The following CAMK2G variants were observed in gnomAD, a reference collection of about 807,000 sequenced individuals.
The protein encoded by CAMK2G is calcium/calmodulin-dependent protein kinase type II subunit gamma.
Under a neutral mutation model 88.7 loss-of-function variants are expected in CAMK2G, and 23 were observed. The observed-to-expected ratio is 0.26, with a 90% CI of 0.19 to 0.37. The LOEUF (loss-of-function observed/expected upper bound fraction) is 0.37, where lower values mean the gene tolerates loss of function less well. Among genes scored for constraint, CAMK2G ranks in the 10% least tolerant of loss-of-function variants. The probability of loss-of-function intolerance (pLI) is 1.00; values close to 1 mark genes in which losing one functional copy is unlikely to be tolerated. For synonymous variants in CAMK2G, 263 were observed against 294.8 expected (o/e 0.89, Z 1.11); for missense variants, 476 against 780.8 (o/e 0.61, Z 4.65).
chr10:73,814,817 C>A, intron 22 of CAMK2G, 186 bp downstream of exon 22: 1 of 588,098 alleles, frequency 1.7e-6, no homozygotes, highest in South Asian at 2.0e-5. Flanking sequence ...TTTGGAGTCA[C>A]GGAGCCAGAC....
intron 18 of CAMK2G, among the ~76,000 whole-genome samples, chr10:73,820,663 A>ATTTTTT (rs1198716305): frequency 2.4e-4 from 11 of 46,128 alleles, no homozygotes; most frequent in East Asian, 1.5e-3. Context: ...CACCCGGCTA[A>ATTTTTT]TTTTTTTTTT....
chr10:73,838,386 G>A (rs1001329749), intron 13 of CAMK2G, among the ~76,000 whole-genome samples: 1 of 152,228 alleles, frequency 6.6e-6, no homozygotes, highest in Non-Finnish European at 1.5e-5. Flanking sequence ...CCTTTGGTGA[G>A]TTACTTAACC....
chr10:73,835,581 C>T (rs1473014053), intron 14 of CAMK2G, among the ~76,000 whole-genome samples: 6 of 150,752 alleles, frequency 4.0e-5, no homozygotes, highest in East Asian at 2.0e-4. Context: ...GTGAAGCCAC[C>T]GCACCCGGCT....
chr10:73,845,085 G>A (rs1475935689), intron 10 of CAMK2G, among the ~76,000 whole-genome samples: 4 of 152,128 alleles, frequency 2.6e-5, no homozygotes, highest in Admixed American at 6.5e-5. Context: ...GAAGCTCACC[G>A]TAAGAACTCA....
chr10:73,871,351 AG>A (rs1302660372), intron 2 of CAMK2G, among the ~76,000 whole-genome samples: 1 of 152,150 alleles, frequency 6.6e-6, no homozygotes, highest in African/African-American at 2.4e-5. Flanking sequence ...AGGCAGCTGC[AG>A]GAAGTCACCA....
intron 2 of CAMK2G, among the ~76,000 whole-genome samples, chr10:73,862,646 G>T (rs1434768097): frequency 6.6e-6 from 1 of 152,252 alleles, no homozygotes; most frequent in Non-Finnish European, 1.5e-5. Context: ...AACAGGCAGT[G>T]ATGCAGGTGG....
Position 73,850,799 on chromosome 10 carries a change from A to ATAGGACACAGCCCAAGAG in CAMK2G, c.341+1437_341+1454dup, listed in dbSNP as rs552059654. 7.3e-3 allele frequency among the ~76,000 whole-genome samples: 1,119 copies of ATAGGACACAGCCCAAGAG among 152,310 alleles called. 13 individuals are homozygous for ATAGGACACAGCCCAAGAG. The highest frequency in any genetic ancestry group is 0.026 in the African/African-American group (1,067 of 41,542). Reference sequence around the variant, plus strand: ...TGGGGGCTGAAACTCGGGCCTCCCCATAGGACACAGCCCAAGAGTGGGCCA... The same window carrying ATAGGACACAGCCCAAGAG: ...TGGGGGCTGAAACTCGGGCCTCCCCATAGGACACAGCCCAAGAGTAGGACACAGCCCAAGAGTGGGCCA... On this transcript the variant is annotated intron_variant, in intron 5 of 22. Coordinates refer to ENST00000423381, the MANE Select transcript of CAMK2G (RefSeq NM_001367534.1).
chr10:73,815,345 C>CT (rs1471931237), intron 21 of CAMK2G, 98 bp from the exon 22 acceptor site: 12 of 820,770 alleles, frequency 1.5e-5, no homozygotes, highest in Non-Finnish European at 2.4e-5. Context: ...TCCCAAGCAA[C>CT]CACTCCCAGA....
intron 2 of CAMK2G, among the ~76,000 whole-genome samples, chr10:73,869,023 C>CT (rs759936408): frequency 6.6e-6 from 1 of 152,226 alleles, no homozygotes. Context: ...TAGTGGCAGA[C>CT]ACACAATCTG....
chr10:73,868,616 C>T (rs1259577882), intron 2 of CAMK2G, among the ~76,000 whole-genome samples: 1 of 152,204 alleles, frequency 6.6e-6, no homozygotes, highest in Non-Finnish European at 1.5e-5. Context: ...TCCTTAAATG[C>T]TTCCTCGAGG....
chr10:73,837,589 AAG>A (rs1460969008), intron 13 of CAMK2G, 78 bp from the exon 14 acceptor site: 8 of 1,149,204 alleles, frequency 7.0e-6, no homozygotes, highest in Non-Finnish European at 1.1e-5. Context: ...CCAGATCCAC[AAG>A]AGAGTGCTGT....
chr10:73,840,579 A>G (rs1565334139), intron 12 of CAMK2G, among the ~76,000 whole-genome samples: 1 of 152,236 alleles, frequency 6.6e-6, no homozygotes, highest in African/African-American at 2.4e-5. Flanking sequence ...GGTCTGGCCA[A>G]TAAGAACAGG....
intron 2 of CAMK2G, among the ~76,000 whole-genome samples, chr10:73,868,757 G>A (rs533105608): frequency 6.6e-6 from 1 of 152,210 alleles, no homozygotes; most frequent in East Asian, 1.9e-4. Flanking sequence ...ATACCACAGG[G>A]GACACAAATG....
At chr10:73,874,362 AG>A in intron 1 of CAMK2G, 34 bp downstream of exon 1, 1 of 1,411,014 alleles carries the variant, frequency 7.1e-7, no homozygotes, top group Non-Finnish European at 9.4e-7. Flanking sequence ...CCCGGGCGGC[AG>A]GGCAGGCAGG....
chr10:73,852,330 C>G lies in CAMK2G; in HGVS notation c.276-11G>C. On this transcript the variant is annotated splice_polypyrimidine_tract_variant and intron_variant, in intron 4 of 22. Coordinates refer to ENST00000423381, the MANE Select transcript of CAMK2G (RefSeq NM_001367534.1). The stretch of plus-strand genomic sequence containing the variant: ...TCCCCGCCGGTAACACTGCAACCAA[C>G]GGGAAGAAGAGGGTCAGAGGCAGAA... 3 of 1,613,186 alleles carry G rather than the reference C, an allele frequency of 1.9e-6. No homozygotes were observed. The highest frequency in any genetic ancestry group is 2.5e-6 in the Non-Finnish European group (3 of 1,179,130).
rs889243357 is a variant in CAMK2G, at chr10:73,813,005, C to T, written c.*1513G>A. On this transcript the variant is annotated 3_prime_UTR_variant, in exon 23 of 23. Transcript: ENST00000423381. ...TAGCTTTGCCTCTTCTCCCAGCTCT[C>T]GTGCCTCCTGAAGGTAGTCCAGGGA... The T allele has an allele frequency of 6.5e-6, 1 of 152,740 alleles. No homozygotes were observed. The highest frequency in any genetic ancestry group is 1.5e-5 in the Non-Finnish European group (1 of 68,068). The allele number at this position is 152,740 out of a possible 1,614,324, so 9.5% of individuals were successfully genotyped here.
chr10:73,821,739 CA>C lies in CAMK2G; in HGVS notation c.1201-10del. On this transcript the variant is annotated splice_polypyrimidine_tract_variant and intron_variant, in intron 17 of 22. Transcript: ENST00000423381. ...CAGCTCTCTGTGGAGCCCTGTAGGC[CA>C]AAAAGAACATGTTTCTATATGCTCC... 5 of 1,608,554 alleles carry C rather than the reference CA, an allele frequency of 3.1e-6. No homozygotes were observed. The highest frequency in any genetic ancestry group is 1.7e-5 in the Admixed American group (1 of 59,580).
intron 13 of CAMK2G, among the ~76,000 whole-genome samples, chr10:73,838,715 G>A (rs1267285924): frequency 1.3e-5 from 2 of 152,122 alleles, no homozygotes; most frequent in Non-Finnish European, 2.9e-5. Flanking sequence ...TTTTAAATGT[G>A]CTGACTCCTG....
chr10:73,821,674 G>A lies in CAMK2G; in HGVS notation c.1249+8C>T. 1.2e-6 allele frequency: 2 copies of A among 1,608,202 alleles called. No homozygotes were observed. The highest frequency in any genetic ancestry group is 8.5e-7 in the Non-Finnish European group (1 of 1,176,860). On this transcript the variant is annotated splice_region_variant and intron_variant, in intron 18 of 22. Transcript: ENST00000423381. The stretch of plus-strand genomic sequence containing the variant: ...GGAGTCCTTCCCCCTCCAAGGGCCA[G>A]CACCTACCTTTGAGGTCCTCATCTT...
Sources: gnomAD v4.1 joint callset for allele counts (sites outside exome capture counted in the v4.1 genomes callset) on GRCh38, gnomAD v4.1.1 for gene constraint, MANE v1.5 for transcripts, NCBI Gene and HGNC (gene_info 2026-07-23, HGNC 2026-07-21) for gene names.